The following CYTH3 variants were observed in gnomAD, a reference collection of about 807,000 sequenced individuals.
CYTH3 encodes cytohesin 3, also known as cytohesin-3.
CYTH3 carries 23 observed loss-of-function variants against 55.1 expected under a neutral mutation model. That is an observed-to-expected ratio of 0.42 (90% CI 0.30 to 0.59). The LOEUF is 0.59. Among genes scored for constraint, CYTH3 ranks in the 20% least tolerant of loss-of-function variants. The pLI, the probability that CYTH3 is intolerant of heterozygous loss-of-function variation, is 0.20. For synonymous variants in CYTH3, 249 were observed against 194.9 expected (o/e 1.28, Z -2.31); for missense variants, 413 against 524.8 (o/e 0.79, Z 2.08).
intron 1 of CYTH3, among the ~76,000 whole-genome samples, chr7:6,247,422 G>GTT (rs35473036): frequency 2.6e-5 from 4 of 151,584 alleles, no homozygotes; most frequent in African/African-American, 9.7e-5. Context: ...GAAACAGCTC[G>GTT]TTTTTTTTCA....
At chr7:6,186,723 C>G (rs111464227) in intron 4 of CYTH3, among the ~76,000 whole-genome samples, 2,035 of 152,254 alleles carry the variant, frequency 0.013, 42 homozygotes, top group African/African-American at 0.047. Flanking sequence ...CGGGAAGATG[C>G]GAATATGAGC....
At chr7:6,271,555 C>T (rs939945026) in intron 1 of CYTH3, among the ~76,000 whole-genome samples, 2 of 152,144 alleles carry the variant, frequency 1.3e-5, no homozygotes, top group Non-Finnish European at 2.9e-5. Flanking sequence ...TAACCCTTTG[C>T]TTTCCAAAGC....
chr7:6,231,806 A>T (rs1408921566), intron 1 of CYTH3, among the ~76,000 whole-genome samples: 2 of 152,202 alleles, frequency 1.3e-5, no homozygotes, highest in South Asian at 4.1e-4. Context: ...ATGTGAGCAC[A>T]TGATCAAACC....
intron 3 of CYTH3, 39 bp from the exon 4 acceptor site, chr7:6,187,155 T>C: frequency 6.3e-7 from 1 of 1,595,028 alleles, no homozygotes. Context: ...CTCATGCTGT[T>C]TTCACAATGC....
In CYTH3 at chr7:6,191,543, GAAGT is replaced by G. The variant is rs1214524803; in HGVS notation, c.35-1016_35-1013del. Among the ~76,000 whole-genome samples, 6 of 149,786 alleles carry G rather than the reference GAAGT, an allele frequency of 4.0e-5. No homozygotes were observed. In the East Asian group the frequency reaches 1.2e-3, roughly 30 times the overall value. On this transcript the variant is annotated intron_variant, in intron 1 of 12. Transcript: ENST00000350796. ...AAGGGGAAACGCTACACAATTTTTA[GAAGT>G]AAATACAGGAGAATTTTTTTTATAA... is the stretch of plus-strand genomic sequence containing the variant.
intron 1 of CYTH3, among the ~76,000 whole-genome samples, chr7:6,262,512 G>C (rs942051552): frequency 2.0e-5 from 3 of 152,174 alleles, no homozygotes; most frequent in Non-Finnish European, 2.9e-5. Context: ...CAATAAGACT[G>C]ATGCAGCTGA....
chr7:6,213,416 T>C (rs1351324205), intron 1 of CYTH3, among the ~76,000 whole-genome samples: 1 of 152,208 alleles, frequency 6.6e-6, no homozygotes, highest in African/African-American at 2.4e-5. Flanking sequence ...TCCACAATTT[T>C]GTGTCAATCT....
chr7:6,212,930 G>A (rs1784354194), intron 1 of CYTH3, among the ~76,000 whole-genome samples: 1 of 152,184 alleles, frequency 6.6e-6, no homozygotes, highest in Non-Finnish European at 1.5e-5. Context: ...ACCATTTTAC[G>A]TTCCCACCAA....
At chr7:6,271,143 G>A (rs564414857) in intron 1 of CYTH3, among the ~76,000 whole-genome samples, 1 of 152,140 alleles carries the variant, frequency 6.6e-6, no homozygotes, top group Non-Finnish European at 1.5e-5. Context: ...GGGCGCCTTC[G>A]TTCCACAGCG....
chr7:6,225,041 G>A (rs1779209117), intron 1 of CYTH3, among the ~76,000 whole-genome samples: 1 of 152,218 alleles, frequency 6.6e-6, no homozygotes, highest in African/African-American at 2.4e-5. Flanking sequence ...TGGCGCTGGG[G>A]TAAGGACTGA....
At chr7:6,206,216 A>C (rs1329513517) in intron 1 of CYTH3, among the ~76,000 whole-genome samples, 1 of 152,250 alleles carries the variant, frequency 6.6e-6, no homozygotes, top group Non-Finnish European at 1.5e-5. Context: ...GTCCATCAAC[A>C]GATGAATGGA....
chr7:6,230,863 C>A (rs765151776), intron 1 of CYTH3, among the ~76,000 whole-genome samples: 19 of 152,158 alleles, frequency 1.2e-4, no homozygotes, highest in Non-Finnish European at 2.6e-4. Flanking sequence ...TGTTTATTTT[C>A]TTCTTTGTAA....
chr7:6,217,363 G>C (rs1436301587), intron 1 of CYTH3, among the ~76,000 whole-genome samples: 1 of 152,036 alleles, frequency 6.6e-6, no homozygotes, highest in Non-Finnish European at 1.5e-5. Context: ...CGAATATATT[G>C]GCTGAAGTAA....
chr7:6,165,101 A>G (rs1355956833), intron 12 of CYTH3, 85 bp from the exon 13 acceptor site: 2 of 1,589,398 alleles, frequency 1.3e-6, no homozygotes, highest in Admixed American at 1.7e-5. Context: ...GGCCCCTCAG[A>G]CAGGACCGCA....
chr7:6,191,054 G>A (rs1225139591), intron 1 of CYTH3, among the ~76,000 whole-genome samples: 1 of 151,850 alleles, frequency 6.6e-6, no homozygotes, highest in Non-Finnish European at 1.5e-5. Flanking sequence ...TCCAGCCTGG[G>A]CAACAGAGGG....
At chr7:6,226,940 C>G (rs944604452) in intron 1 of CYTH3, among the ~76,000 whole-genome samples, 1 of 151,954 alleles carries the variant, frequency 6.6e-6, no homozygotes, top group Admixed American at 6.6e-5. Flanking sequence ...ATTAGCCAGG[C>G]GTGGTGGCGG....
chr7:6,188,674 C>T (rs1269718962), intron 2 of CYTH3: 1 of 152,214 alleles, frequency 6.6e-6, no homozygotes, highest in East Asian at 1.9e-4. Context: ...ACCCCCTTTC[C>T]CTTGATGTGA....
In CYTH3 at chr7:6,164,884, C is replaced by T. The variant is rs370870632; in HGVS notation, c.*60G>A. 1.5e-4 allele frequency: 236 copies of T among 1,599,138 alleles called. No individual in the cohort carries two copies. The highest frequency in any genetic ancestry group is 7.6e-4 in the African/African-American group (57 of 74,732). On this transcript the variant is annotated 3_prime_UTR_variant, in exon 13 of 13. Coordinates refer to ENST00000350796, the MANE Select transcript of CYTH3 (RefSeq NM_004227.4). ...CCTGCCACGCCTTCCGCGGAGGGGC[C>T]GCCCGCGGTGTCTTTCTGCTGGGGT...
intron 1 of CYTH3, among the ~76,000 whole-genome samples, chr7:6,254,687 C>A (rs1780056223): frequency 6.6e-6 from 1 of 152,212 alleles, no homozygotes; most frequent in African/African-American, 2.4e-5. Context: ...TGACCTCAAA[C>A]AATCTGCGCA....
Sources: gnomAD v4.1 joint callset for allele counts (sites outside exome capture counted in the v4.1 genomes callset) on GRCh38, gnomAD v4.1.1 for gene constraint, MANE v1.5 for transcripts, NCBI Gene and HGNC (gene_info 2026-07-23, HGNC 2026-07-21) for gene names.